IGHMBP2: variants seen among roughly 807,000 people sequenced by gnomAD.
IGHMBP2 encodes immunoglobulin mu DNA binding protein 2.
A neutral mutation model predicts 96.0 loss-of-function variants in IGHMBP2; 81 were observed. The observed-to-expected ratio is 0.84, with a 90% CI of 0.71 to 1.01. The LOEUF is 1.01. IGHMBP2 is among the 50% of genes least tolerant of loss of function. The pLI is 0.00. For missense variants in IGHMBP2, 1,227 were observed against 1,306.3 expected (o/e 0.94, Z 0.94); for synonymous variants, 557 against 548.9 (o/e 1.01, Z -0.21).
chr11:68,906,487 G>C (rs1858199698), intron 2 of IGHMBP2: 1 of 521,204 alleles, frequency 1.9e-6, no homozygotes, highest in Admixed American at 3.4e-5. Flanking sequence ...CGCAGATACA[G>C]AATACACACC....
Position 68,929,877 on chromosome 11 carries a change from G to GGAGCCCTGATGCA in IGHMBP2, c.1235+521_1235+522insAGCCCTGATGCAG, listed in dbSNP as rs1859209450. ...GGTGGAGACACTGGAGTCCTGATGCGGTGGCCTGGCCCAGGCTGTCCTGGT... is the reference window on the plus strand; with the variant it reads ...GGTGGAGACACTGGAGTCCTGATGCGGAGCCCTGATGCAGTGGCCTGGCCCAGGCTGTCCTGGT... On this transcript the variant is annotated intron_variant, in intron 8 of 14. Coordinates refer to ENST00000255078, the MANE Select transcript of IGHMBP2 (RefSeq NM_002180.3). 5.1e-6 allele frequency: 3 copies of GGAGCCCTGATGCA among 589,532 alleles called. No homozygotes were observed. The South Asian group carries it at 3.3e-4, about 66-fold the overall frequency. 36.5% of individuals were successfully genotyped at this position (589,532 alleles called of 1,614,324 possible).
At chr11:68,909,328 C>T (rs1469343296) in intron 4 of IGHMBP2, among the ~76,000 whole-genome samples, 1 of 151,636 alleles carries the variant, frequency 6.6e-6, no homozygotes, top group Non-Finnish European at 1.5e-5. Flanking sequence ...TACAGGCACA[C>T]GCCACCACGC....
Position 68,930,220 on chromosome 11 carries a change from G to C in IGHMBP2, c.1235+863G>C, listed in dbSNP as rs1040672900. On this transcript the variant is annotated intron_variant, in intron 8 of 14. Transcript: ENST00000255078. ...TGTCCCTGAGGAATGAAACACTTCT[G>C]AGACTCCTGCATCCTGGCCCTCACT... The C allele has an allele frequency of 8.8e-5, 109 of 1,245,290 alleles. 1 individual carries two copies. Among genetic ancestry groups the C allele is most frequent in the Non-Finnish European group, 7.5e-5 (72 of 966,300 alleles). 77.1% of individuals were successfully genotyped at this position (1,245,290 alleles called of 1,614,324 possible). A position where few individuals can be genotyped will look rare whatever the true frequency, so the allele number is the denominator to read the frequency against.
chr11:68,926,007 A>AT (rs57102681), intron 7 of IGHMBP2, among the ~76,000 whole-genome samples: 33,856 of 151,604 alleles, frequency 0.22, 4,889 homozygotes, highest in Admixed American at 0.4. Context: ...TTCAGCCATT[A>AT]TTTTTTCAGG....
At chr11:68,918,290 C>CT (rs1414304547) in intron 7 of IGHMBP2, among the ~76,000 whole-genome samples, 1 of 150,752 alleles carries the variant, frequency 6.6e-6, no homozygotes, top group East Asian at 1.9e-4. Context: ...GCTCTTCTGG[C>CT]TGGAGGGTTT....
intron 6 of IGHMBP2, among the ~76,000 whole-genome samples, chr11:68,915,650 T>C (rs955212674): frequency 6.6e-6 from 1 of 151,348 alleles, no homozygotes; most frequent in Non-Finnish European, 1.5e-5. Flanking sequence ...ACCCAACCAA[T>C]TTTTTTATTT....
At position 68,939,730 on chromosome 11, in the gene IGHMBP2, G is replaced by A; in HGVS notation, c.2981G>A (p.Ter994=). Residue 994 remains the stop codon, a stop_retained_variant, in exon 15 of 15, where the codon TGA becomes TAA. Coordinates refer to ENST00000255078, the MANE Select transcript of IGHMBP2 (RefSeq NM_002180.3). ...AGCCGGAGGAAGGAGAGGGGGACGT[G>A]ACCGGCCGCATCCTTGCACGCCCCG... The part of the protein sequence containing the change: ...RTSRRKERGT[*] The A allele has an allele frequency of 6.2e-7, 1 of 1,607,168 alleles. No individual in the cohort carries two copies. Among genetic ancestry groups the A allele is most frequent in the Non-Finnish European group, 8.5e-7 (1 of 1,177,708 alleles).
At chr11:68,904,165 G>T in intron 1 of IGHMBP2, 127 bp downstream of exon 1, 1 of 791,584 alleles carries the variant, frequency 1.3e-6, no homozygotes. Flanking sequence ...GTCAGGGGCA[G>T]GGATCGTCCG....
In IGHMBP2 at chr11:68,938,187, C is replaced by G. The variant is rs914944175; in HGVS notation, c.2617C>G (p.Pro873Ala). 18 of 1,614,038 alleles carry G rather than the reference C, an allele frequency of 1.1e-5. No homozygotes were observed. The highest frequency in any genetic ancestry group is 1.5e-5 in the Non-Finnish European group (18 of 1,180,018). Residue 873 changes from proline (P) to alanine (A), a missense_variant, in exon 14 of 15, where the codon CCG becomes GCG. Physicochemically the swap from Pro to Ala is conservative, Grantham distance 27 (BLOSUM62 -1). This residue lies in a region of IGHMBP2 where 703 missense variants were observed against 770.3 expected (regional missense o/e 0.91). Transcript: ENST00000255078. The stretch of plus-strand genomic sequence containing the variant: ...GTGACGCGGGTCTTCTCCAGGACAT[C>G]CGGCCACAGATCTGCCCACGGAGGA... Reference protein sequence around the residue: ...EKKKKKAKGHPATDLPTEEDF... With the variant: ...EKKKKKAKGHAATDLPTEEDF...
chr11:68,937,073 A>G lies in IGHMBP2; in HGVS notation c.2593A>G (p.Lys865Glu). Reference sequence around the variant, plus strand: ...AGGGCAGCAGAAACTTCCAGAAAAGAAAAAGAAAAAAGCCAAAGGTAAGTC... The same window carrying G: ...AGGGCAGCAGAAACTTCCAGAAAAGGAAAAGAAAAAAGCCAAAGGTAAGTC... ...ASGQQKLPEK[K>E]KKKAKGHPAT... The change falls in exon 13 of 15, where the codon AAA becomes GAA. Residue 865 changes from lysine to glutamate, a missense_variant. Lys to Glu is a moderately conservative substitution (Grantham distance 56, BLOSUM62 1). This residue lies in a region of IGHMBP2 where 703 missense variants were observed against 770.3 expected (regional missense o/e 0.91). Coordinates refer to ENST00000255078, the MANE Select transcript of IGHMBP2 (RefSeq NM_002180.3). 5 of 1,599,118 alleles carry G rather than the reference A, an allele frequency of 3.1e-6. No individual in the cohort carries two copies. The highest frequency in any genetic ancestry group is 1.3e-5 in the African/African-American group (1 of 75,002).
intron 6 of IGHMBP2, among the ~76,000 whole-genome samples, chr11:68,916,758 G>A (rs555325596): frequency 2.0e-5 from 3 of 152,224 alleles, no homozygotes; most frequent in Admixed American, 6.5e-5. Context: ...TGCTGGGAGG[G>A]GGAGGAAGGA....
Position 68,908,629 on chromosome 11 carries a change from T to C in IGHMBP2, c.545T>C (p.Ile182Thr). Residue 182 changes from isoleucine (I) to threonine (T), a missense_variant and splice_region_variant, in exon 4 of 15, where the codon ATA (isoleucine) becomes ACA (threonine). By Grantham distance (89) the Ile-to-Thr change is moderately conservative. This residue lies in a region of IGHMBP2 where 507 missense variants were observed against 496.9 expected (regional missense o/e 1.02). Transcript: ENST00000255078. The part of the protein sequence containing the change: ...GRSAPSPASE[I>T]HPLTFFNTCL... Reference sequence around the variant, plus strand: ...TCTGCTCCCAGTCCTGCCAGTGAAATACGTAAGAACTTCTGAGTTTTCTTT... The same window carrying C: ...TCTGCTCCCAGTCCTGCCAGTGAAACACGTAAGAACTTCTGAGTTTTCTTT... The C allele has an allele frequency of 6.2e-7, 1 of 1,606,970 alleles. No homozygotes were observed. Among genetic ancestry groups the C allele is most frequent in the African/African-American group, 1.3e-5 (1 of 74,914 alleles).
chr11:68,934,761 C>G lies in IGHMBP2; in HGVS notation c.1632+203C>G, dbSNP rs1036511553. Among the ~76,000 whole-genome samples the G allele has an allele frequency of 4.6e-5, 7 of 152,232 alleles. 1 individual carries two copies. Among genetic ancestry groups the G allele is most frequent in the Admixed American group, 3.9e-4 (6 of 15,282 alleles). ...GTCTGCCCGCCCCACCTTGCCCCGC[C>G]CTGCCCGGTGCCCCAGCCTTCTGCA... On this transcript the variant is annotated intron_variant, in intron 11 of 14. Transcript: ENST00000255078.
intron 13 of IGHMBP2, 34 bp downstream of exon 13, chr11:68,937,125 C>T (rs1859578059): frequency 5.6e-6 from 9 of 1,595,588 alleles, no homozygotes; most frequent in Non-Finnish European, 7.6e-6. Flanking sequence ...GGGCAGTGTC[C>T]CCTCACTGGG....
At chr11:68,918,033 A>G in intron 7 of IGHMBP2, 150 bp downstream of exon 7, 2 of 758,570 alleles carry the variant, frequency 2.6e-6, no homozygotes, top group Non-Finnish European at 4.6e-6. Flanking sequence ...CCGTACCTGC[A>G]GTTTTCTTCA....
Position 68,939,722 on chromosome 11 carries a change from G to C in IGHMBP2, c.2973G>C (p.Arg991Ser). The C allele has an allele frequency of 6.2e-7, 1 of 1,609,718 alleles. No individual in the cohort carries two copies. The highest frequency in any genetic ancestry group is 8.5e-7 in the Non-Finnish European group (1 of 1,178,694). The change falls in exon 15 of 15, where the codon AGG (arginine) becomes AGC (serine). Residue 991 changes from arginine to serine, a missense_variant. Around this residue, in one of 3 missense-constraint regions of IGHMBP2, gnomAD observed 703 missense variants for 770.3 expected, o/e 0.91. Coordinates refer to ENST00000255078, the MANE Select transcript of IGHMBP2 (RefSeq NM_002180.3). ...SNQRTSRRKE[R>S]GT is the part of the protein sequence containing the mutation. ...AGAGGACCAGCCGGAGGAAGGAGAG[G>C]GGGACGTGACCGGCCGCATCCTTGC...
At chr11:68,930,398 CTCATCACAGGGGCG>C (rs1859243854) in intron 8 of IGHMBP2, 7 of 1,289,758 alleles carry the variant, frequency 5.4e-6, no homozygotes, top group Non-Finnish European at 7.1e-6. Context: ...CGAGTAGAAT[CTCATCACAGGGGCG>C]TGGGCAGCCC....
At chr11:68,913,292 C>T (rs561135086) in intron 5 of IGHMBP2, among the ~76,000 whole-genome samples, 39 of 152,120 alleles carry the variant, frequency 2.6e-4, no homozygotes, top group Middle Eastern at 3.4e-3. Context: ...AATTGGGTGC[C>T]GACTATTCAC....
At chr11:68,937,862 A>C in intron 13 of IGHMBP2, 1 of 369,358 alleles carries the variant, frequency 2.7e-6, no homozygotes. Flanking sequence ...TTGAGCAGCT[A>C]CTGTATGCCA....
Sources: gnomAD v4.1 joint callset for allele counts (sites outside exome capture counted in the v4.1 genomes callset) on GRCh38, gnomAD v4.1.1 for gene constraint, gnomAD v4.1.1 regional missense constraint, MANE v1.5 for transcripts, NCBI Gene and HGNC (gene_info 2026-07-23, HGNC 2026-07-21) for gene names.